The following PHACTR1 variants were observed in gnomAD, a reference collection of about 807,000 sequenced individuals.
The protein encoded by PHACTR1 is phosphatase and actin regulator 1, also known as RPEL repeat containing 1.
Under a neutral mutation model 69.2 loss-of-function variants are expected in PHACTR1, and 16 were observed. The ratio of observed to expected loss-of-function variants is 0.23; its 90% CI spans 0.16 to 0.35. The LOEUF is 0.35. PHACTR1 is among the 10% of genes least tolerant of loss of function. The probability of loss-of-function intolerance (pLI) is 1.00; values close to 1 mark genes in which losing one functional copy is unlikely to be tolerated. For synonymous variants in PHACTR1, 312 were observed against 284.5 expected (o/e 1.10, Z -0.97); for missense variants, 510 against 734.7 (o/e 0.69, Z 3.54).
At chr6:12,788,739 T>C (rs1771857882) in intron 4 of PHACTR1, among the ~76,000 whole-genome samples, 1 of 152,190 alleles carries the variant, frequency 6.6e-6, no homozygotes, top group Admixed American at 6.5e-5. Context: ...ACAAAAGAAA[T>C]CTAAATCATT....
chr6:13,160,970 T>C (rs888421287), intron 6 of PHACTR1, among the ~76,000 whole-genome samples: 2 of 152,116 alleles, frequency 1.3e-5, no homozygotes, highest in African/African-American at 4.8e-5. Flanking sequence ...AGCTTTATGG[T>C]ATTTTAGTTT....
intron 4 of PHACTR1, among the ~76,000 whole-genome samples, chr6:12,803,441 T>C (rs144646905): frequency 6.6e-6 from 1 of 152,180 alleles, no homozygotes; most frequent in African/African-American, 2.4e-5. Context: ...CTACAGCAGA[T>C]TGGGCCTCCC....
At chr6:13,148,336 G>A (rs1484241686) in intron 5 of PHACTR1, among the ~76,000 whole-genome samples, 1 of 151,958 alleles carries the variant, frequency 6.6e-6, no homozygotes, top group Non-Finnish European at 1.5e-5. Context: ...GTAAATTACA[G>A]ACGTCTGTAA....
intron 5 of PHACTR1, among the ~76,000 whole-genome samples, chr6:13,087,219 G>A (rs1030426932): frequency 2.8e-5 from 4 of 145,322 alleles, no homozygotes; most frequent in Non-Finnish European, 6.0e-5. Context: ...ATATATTCTG[G>A]GTAAAAATTA....
intron 4 of PHACTR1, among the ~76,000 whole-genome samples, chr6:12,806,259 A>G (rs369552185): frequency 6.6e-6 from 1 of 152,114 alleles, no homozygotes; most frequent in South Asian, 2.1e-4. Flanking sequence ...TTTTCCCTCT[A>G]TTCTGGTCCC....
At chr6:13,215,708 C>G (rs116618725) in intron 8 of PHACTR1, among the ~76,000 whole-genome samples, 1 of 152,156 alleles carries the variant, frequency 6.6e-6, no homozygotes, top group Non-Finnish European at 1.5e-5. Context: ...CCATACAGGT[C>G]GGATCAGCTG....
chr6:13,004,586 A>G (rs929143307), intron 4 of PHACTR1, among the ~76,000 whole-genome samples: 1 of 152,230 alleles, frequency 6.6e-6, no homozygotes, highest in Non-Finnish European at 1.5e-5. Flanking sequence ...ATACATGTGC[A>G]GAACATGCAG....
intron 4 of PHACTR1, among the ~76,000 whole-genome samples, chr6:13,013,890 G>A (rs1263594469): frequency 2.0e-5 from 3 of 149,706 alleles, no homozygotes; most frequent in Non-Finnish European, 4.5e-5. Context: ...GGGCCGGATG[G>A]CGGAGCCCAC....
intron 4 of PHACTR1, among the ~76,000 whole-genome samples, chr6:12,768,328 A>T (rs1347367371): frequency 6.6e-6 from 1 of 151,858 alleles, no homozygotes; most frequent in Non-Finnish European, 1.5e-5. Context: ...GTTAGACAGG[A>T]TGCTCTCAAT....
At chr6:12,877,303 G>A (rs1782623453) in intron 4 of PHACTR1, among the ~76,000 whole-genome samples, 1 of 152,182 alleles carries the variant, frequency 6.6e-6, no homozygotes, top group African/African-American at 2.4e-5. Flanking sequence ...TGTAATGTGG[G>A]TGCTTCAGGG....
chr6:12,789,674 G>A (rs182881072), intron 4 of PHACTR1, among the ~76,000 whole-genome samples: 59 of 151,758 alleles, frequency 3.9e-4, no homozygotes, highest in African/African-American at 1.2e-3. Flanking sequence ...CATCCCAGTC[G>A]ATGGCTACTC....
chr6:13,151,184 T>TC (rs1446863737), intron 5 of PHACTR1, among the ~76,000 whole-genome samples: 1 of 152,214 alleles, frequency 6.6e-6, no homozygotes, highest in African/African-American at 2.4e-5. Flanking sequence ...CAATTGCTTT[T>TC]CCCCCTTCAA....
chr6:13,211,372 T>C (rs919503318), intron 8 of PHACTR1, among the ~76,000 whole-genome samples: 1 of 152,110 alleles, frequency 6.6e-6, no homozygotes, highest in Admixed American at 6.6e-5. Flanking sequence ...ATATCTGCAG[T>C]AAGCTCCGTG....
chr6:12,766,903 T>C (rs1195391041), intron 4 of PHACTR1, among the ~76,000 whole-genome samples: 1 of 152,226 alleles, frequency 6.6e-6, no homozygotes, highest in African/African-American at 2.4e-5. Context: ...TATTTTAATA[T>C]GGAAAAATCA....
At chr6:13,216,572 T>C (rs1440600408) in intron 8 of PHACTR1, among the ~76,000 whole-genome samples, 1 of 152,212 alleles carries the variant, frequency 6.6e-6, no homozygotes, top group Non-Finnish European at 1.5e-5. Context: ...AAGATTCTCT[T>C]CTTATGGTGA....
At chr6:12,832,845 T>C (rs12528956) in intron 4 of PHACTR1, among the ~76,000 whole-genome samples, 31,464 of 152,078 alleles carry the variant, frequency 0.21, 3,701 homozygotes, top group Middle Eastern at 0.32. Context: ...TGTGGAATAA[T>C]ATGCTAAATG....
chr6:12,825,452 A>G (rs1217524627), intron 4 of PHACTR1, among the ~76,000 whole-genome samples: 1 of 152,190 alleles, frequency 6.6e-6, no homozygotes, highest in African/African-American at 2.4e-5. Context: ...TGGTTTCTCC[A>G]TGTTATTTGG....
rs67522119 is a variant in PHACTR1, at chr6:13,131,208, T to TACACATAC, written c.416-28991_416-28990insTACACACA. 1.7e-3 allele frequency among the ~76,000 whole-genome samples: 247 copies of TACACATAC among 146,450 alleles called. 1 individual carries two copies. Among genetic ancestry groups the TACACATAC allele is most frequent in the African/African-American group, 6.2e-3 (237 of 38,374 alleles). On this transcript the variant is annotated intron_variant, in intron 5 of 14. Transcript: ENST00000332995. ...ACACACACACATATATATATACACA[T>TACACATAC]ACACACACACACACACACACACACA...
At chr6:13,259,672 A>G (rs1042906305) in intron 10 of PHACTR1, among the ~76,000 whole-genome samples, 1 of 152,160 alleles carries the variant, frequency 6.6e-6, no homozygotes, top group Non-Finnish European at 1.5e-5. Flanking sequence ...TTTGTCATAT[A>G]GTGAAATTGG....
Sources: allele counts gnomAD v4.1 joint callset (sites outside exome capture counted in the v4.1 genomes callset), GRCh38; gene constraint gnomAD v4.1.1; transcripts MANE v1.5; gene names NCBI Gene and HGNC (gene_info 2026-07-23, HGNC 2026-07-21).